GPR89A: variants seen among roughly 807,000 people sequenced by gnomAD.
The protein encoded by GPR89A is G protein-coupled receptor 89A.
GPR89A carries 16 observed loss-of-function variants against 52.0 expected under a neutral mutation model. The ratio of observed to expected loss-of-function variants is 0.31; its 90% CI spans 0.21 to 0.47. The LOEUF (loss-of-function observed/expected upper bound fraction) is 0.47. GPR89A is among the 20% of genes least tolerant of loss of function. The probability of loss-of-function intolerance (pLI) is 1.00; values close to 1 mark genes in which losing one functional copy is unlikely to be tolerated. For missense variants in GPR89A, 135 were observed against 449.4 expected (o/e 0.30, Z 6.33); for synonymous variants, 55 against 150.9 (o/e 0.36, Z 4.66).
chr1:145,635,268 TG>T (rs1432831842), intron 7 of GPR89A, among the ~76,000 whole-genome samples: 1 of 151,958 alleles, frequency 6.6e-6, no homozygotes, highest in Non-Finnish European at 1.5e-5. Flanking sequence ...TAGCCGGGCG[TG>T]GTGGTGGGCG....
At chr1:145,610,468 CCA>C (rs1201910680) in intron 1 of GPR89A, among the ~76,000 whole-genome samples, 1 of 152,112 alleles carries the variant, frequency 6.6e-6, no homozygotes, top group Non-Finnish European at 1.5e-5. Context: ...CTCCAGATTT[CCA>C]CACAGTGTGT....
chr1:145,646,146 C>T, intron 8 of GPR89A, 38 bp from the exon 9 acceptor site: 1 of 1,613,712 alleles, frequency 6.2e-7, no homozygotes, highest in African/African-American at 1.3e-5. Flanking sequence ...TTCTTGAATT[C>T]CTATGTGATT....
intron 8 of GPR89A, 120 bp downstream of exon 8, chr1:145,644,098 A>G: frequency 4.1e-5 from 2 of 48,778 alleles, no homozygotes; most frequent in Admixed American, 2.3e-4. Flanking sequence ...CCAAACTCCT[A>G]AGAGCTAGGC....
intron 7 of GPR89A, among the ~76,000 whole-genome samples, chr1:145,636,476 A>C (rs1571500366): frequency 6.6e-6 from 1 of 151,088 alleles, no homozygotes; most frequent in East Asian, 1.9e-4. Flanking sequence ...TTATGTACAA[A>C]AAAGTTAATG....
At chr1:145,610,098 G>C (rs1648147665) in intron 1 of GPR89A, among the ~76,000 whole-genome samples, 1 of 151,940 alleles carries the variant, frequency 6.6e-6, no homozygotes, top group African/African-American at 2.4e-5. Flanking sequence ...GTATTCACCA[G>C]CATCTAGATC....
rs587679246 is a variant in GPR89A, at chr1:145,629,294, G to A, written c.416-1393G>A. ...GGATGATTGCAGATGTATATTCAAT[G>A]TTATAAAACAGCCCATAAAACAAAG... On this transcript the variant is annotated intron_variant, in intron 5 of 13. Transcript: ENST00000313835. Among the ~76,000 whole-genome samples, 11 of 152,274 alleles carry A rather than the reference G, an allele frequency of 7.2e-5. No homozygotes were observed. In the East Asian group the frequency reaches 2.1e-3, roughly 29 times the overall value.
intron 5 of GPR89A, among the ~76,000 whole-genome samples, chr1:145,629,536 T>C (rs1649754952): frequency 6.6e-6 from 1 of 152,172 alleles, no homozygotes; most frequent in Non-Finnish European, 1.5e-5. Context: ...AGAGCTCTCT[T>C]AGGACTGGAG....
intron 1 of GPR89A, among the ~76,000 whole-genome samples, chr1:145,615,779 C>A (rs1191674939): frequency 1.3e-5 from 2 of 151,254 alleles, no homozygotes; most frequent in Non-Finnish European, 2.9e-5. Context: ...GTGCCCACAC[C>A]CAGCTAATTT....
At chr1:145,642,604 T>C (rs1553691895) in intron 7 of GPR89A, among the ~76,000 whole-genome samples, 1 of 152,194 alleles carries the variant, frequency 6.6e-6, no homozygotes, top group Non-Finnish European at 1.5e-5. Context: ...CATAGAAATA[T>C]CATTTGATCT....
At chr1:145,611,961 A>T (rs587759461) in intron 1 of GPR89A, among the ~76,000 whole-genome samples, 1 of 152,058 alleles carries the variant, frequency 6.6e-6, no homozygotes, top group East Asian at 1.9e-4. Context: ...TCATGTATAT[A>T]TAAGTCCACA....
chr1:145,666,370 A>G (rs1652549902), intron 12 of GPR89A, among the ~76,000 whole-genome samples: 1 of 151,394 alleles, frequency 6.6e-6, no homozygotes, highest in South Asian at 2.1e-4. Context: ...TGTCATCAAT[A>G]AGTTCTTGGA....
chr1:145,654,330 G>A (rs2101823192), intron 10 of GPR89A, among the ~76,000 whole-genome samples: 1 of 152,122 alleles, frequency 6.6e-6, no homozygotes, highest in Non-Finnish European at 1.5e-5. Context: ...GAGGCGGGCA[G>A]ATCACGAGGT....
rs1319716740 is a variant in GPR89A, at chr1:145,608,143, C to T, written c.10C>T (p.Leu4Phe). The T allele has an allele frequency of 2.5e-6, 4 of 1,613,400 alleles. No individual in the cohort carries two copies. The highest frequency in any genetic ancestry group is 3.4e-6 in the Non-Finnish European group (4 of 1,179,844). MSF[L>F]IDSSIMITSQ... ...TTCCTTACACTTCGCCATGAGTTTC[C>T]TCATCGACTCCAGCATCATGATTAC... The change falls in exon 1 of 14, where the codon CTC becomes TTC. Residue 4 changes from leucine (L) to phenylalanine (F), a missense_variant. This residue lies in a region of GPR89A where 38 missense variants were observed against 40.2 expected (regional missense o/e 0.95). Transcript: ENST00000313835.
chr1:145,613,905 G>C (rs1259353191), intron 1 of GPR89A, among the ~76,000 whole-genome samples: 2 of 151,954 alleles, frequency 1.3e-5, no homozygotes, highest in African/African-American at 4.8e-5. Context: ...TTCCACTTCA[G>C]CCTCCCCATA....
chr1:145,623,033 A>G (rs781865743), intron 3 of GPR89A, 21 bp from the exon 4 acceptor site: 2 of 1,600,278 alleles, frequency 1.2e-6, no homozygotes, highest in African/African-American at 1.3e-5. Flanking sequence ...TCCCAGTGAC[A>G]GTCTTTGACA....
At chr1:145,654,565 A>AAAAC (rs1651688838) in intron 10 of GPR89A, among the ~76,000 whole-genome samples, 1 of 147,366 alleles carries the variant, frequency 6.8e-6, no homozygotes, top group African/African-American at 2.5e-5. Flanking sequence ...AAAAAAAAAA[A>AAAAC]AAAAAACAGA....
chr1:145,661,125 C>T (rs1652165308), intron 10 of GPR89A, among the ~76,000 whole-genome samples: 3 of 147,174 alleles, frequency 2.0e-5, no homozygotes, highest in South Asian at 4.4e-4. Flanking sequence ...ACTATGCAGC[C>T]ATAAAAAATG....
At chr1:145,615,152 G>A (rs1312848322) in intron 1 of GPR89A, among the ~76,000 whole-genome samples, 31 of 152,248 alleles carry the variant, frequency 2.0e-4, no homozygotes, top group South Asian at 1.2e-3. Context: ...CAAAACTGAC[G>A]AAAGAGGGAT....
At chr1:145,669,580 G>A (rs782150263) in intron 12 of GPR89A, 45 bp from the exon 13 acceptor site, 9 of 1,607,416 alleles carry the variant, frequency 5.6e-6, no homozygotes, top group Non-Finnish European at 7.6e-6. Flanking sequence ...CGTGACACAG[G>A]AATCTAACAC....
Sources: allele counts gnomAD v4.1 joint callset (sites outside exome capture counted in the v4.1 genomes callset), GRCh38; gene constraint gnomAD v4.1.1; regional missense constraint gnomAD v4.1.1; transcripts MANE v1.5; gene names NCBI Gene and HGNC (gene_info 2026-07-23, HGNC 2026-07-21).